Variants in TMC7 observed in about 807,000 individuals in gnomAD.
TMC7 encodes the protein transmembrane channel-like protein 7.
A neutral mutation model predicts 82.9 loss-of-function variants in TMC7; 54 were observed. The observed-to-expected ratio is 0.65, with a 90% CI of 0.52 to 0.82. The LOEUF is 0.82. Among genes scored for constraint, TMC7 ranks in the 40% least tolerant of loss-of-function variants. TMC7 has a pLI of 0.00. For synonymous variants in TMC7, 350 were observed against 337.9 expected, an observed-to-expected ratio of 1.04 and a Z score of -0.39; for missense variants, 820 against 901.2, an observed-to-expected ratio of 0.91 and a Z score of 1.15.
At chr16:19,027,744 A>G (rs1400821174) in intron 5 of TMC7, among the ~76,000 whole-genome samples, 1 of 152,144 alleles carries the variant, frequency 6.6e-6, no homozygotes, top group African/African-American at 2.4e-5. Flanking sequence ...CAGTTAACAC[A>G]TGACTTAATT....
In TMC7 at chr16:19,039,184, G is replaced by A. The variant is rs552564511; in HGVS notation, c.1180-1105G>A. Among the ~76,000 whole-genome samples the A allele has an allele frequency of 7.4e-5, 11 of 148,318 alleles. No individual in the cohort carries two copies. In the South Asian group the frequency reaches 1.7e-3, roughly 23 times the overall value. On this transcript the variant is annotated intron_variant, in intron 8 of 15. Coordinates refer to ENST00000304381, the MANE Select transcript of TMC7 (RefSeq NM_024847.4). ...CGGCTCACTGCAACCTCCACCTCCCGGGTTCAAGTCATTCTCCTGTCTCAG... is the reference window on the plus strand; with the variant it reads ...CGGCTCACTGCAACCTCCACCTCCCAGGTTCAAGTCATTCTCCTGTCTCAG...
Position 18,984,435 on chromosome 16 carries a change from C to T in TMC7, c.67+305C>T, listed in dbSNP as rs563399315. On this transcript the variant is annotated intron_variant, in intron 1 of 15. Coordinates refer to ENST00000304381, the MANE Select transcript of TMC7 (RefSeq NM_024847.4). ...GACAGTCTTTCAATAGCCTCATCTG[C>T]TGTTAAATGAAAGGATTTGAGCACC... 256 of 1,199,136 alleles carry T rather than the reference C, an allele frequency of 2.1e-4. No individual in the cohort carries two copies. The African/African-American group carries it at 3.5e-3, about 16-fold the overall frequency. The allele number at this position is 1,199,136 out of a possible 1,614,324, so 74.3% of individuals were successfully genotyped here.
In TMC7 at chr16:19,021,575, A is replaced by G. The variant is rs1443680196; in HGVS notation, c.461-54A>G. 21 of 1,584,302 alleles carry G rather than the reference A, an allele frequency of 1.3e-5. No individual in the cohort carries two copies. The South Asian group carries it at 2.4e-4, about 18-fold the overall frequency. Reference sequence around the variant, plus strand: ...GCTTTTGTGGCTGATTGAATCTATGATGTGTAGTGTATCAATATCCCTGGT... The same window carrying G: ...GCTTTTGTGGCTGATTGAATCTATGGTGTGTAGTGTATCAATATCCCTGGT... On this transcript the variant is annotated intron_variant, in intron 3 of 15. Coordinates refer to ENST00000304381, the MANE Select transcript of TMC7 (RefSeq NM_024847.4).
At chr16:19,009,534 A>G (rs575449881) in intron 2 of TMC7, 119 bp downstream of exon 2, 1 of 1,298,550 alleles carries the variant, frequency 7.7e-7, no homozygotes, top group African/African-American at 1.5e-5. Flanking sequence ...CCTTAGGGTA[A>G]GCTAAGCCTC....
intron 7 of TMC7, among the ~76,000 whole-genome samples, chr16:19,037,125 A>G (rs562225685): frequency 6.6e-6 from 1 of 152,218 alleles, no homozygotes; most frequent in East Asian, 1.9e-4. Context: ...GGCCAGGCGC[A>G]GTGGTTCATG....
chr16:19,021,947 C>A (rs1959999052), intron 4 of TMC7, 151 bp downstream of exon 4: 3 of 894,226 alleles, frequency 3.4e-6, no homozygotes, highest in East Asian at 2.7e-5. Flanking sequence ...ACAAGTGACC[C>A]CATAATGCTC....
chr16:19,045,565 C>T, intron 11 of TMC7, 127 bp downstream of exon 11: 1 of 641,398 alleles, frequency 1.6e-6, no homozygotes, highest in Non-Finnish European at 2.8e-6. Flanking sequence ...CTCTACAGCC[C>T]TGGAAATCTG....
At chr16:19,009,665 C>T (rs896318662) in intron 2 of TMC7, among the ~76,000 whole-genome samples, 1 of 151,782 alleles carries the variant, frequency 6.6e-6, no homozygotes, top group African/African-American at 2.4e-5. Flanking sequence ...CCAGGCCGGG[C>T]GCGGTGGCTC....
intron 13 of TMC7, 35 bp from the exon 14 acceptor site, chr16:19,056,507 G>C (rs947234353): frequency 6.2e-7 from 1 of 1,603,504 alleles, no homozygotes; most frequent in African/African-American, 1.3e-5. Flanking sequence ...TGTGCTGCAC[G>C]CTCCTTCTGA....
chr16:19,007,303 T>C (rs1596734257), intron 1 of TMC7, among the ~76,000 whole-genome samples: 1 of 152,206 alleles, frequency 6.6e-6, no homozygotes, highest in African/African-American at 2.4e-5. Context: ...GGCCCTCTTA[T>C]GACTTTGGGC....
chr16:19,063,788 G>A lies in TMC7; in HGVS notation c.*1945G>A, dbSNP rs927420103. 27 of 151,776 alleles carry A rather than the reference G, an allele frequency of 1.8e-4. No individual in the cohort carries two copies. Among genetic ancestry groups the A allele is most frequent in the African/African-American group, 6.5e-4 (27 of 41,298 alleles). 9.4% of individuals were successfully genotyped at this position (151,776 alleles called of 1,614,324 possible). On this transcript the variant is annotated 3_prime_UTR_variant, in exon 16 of 16. Coordinates refer to ENST00000304381, the MANE Select transcript of TMC7 (RefSeq NM_024847.4). ...ATTAATATATTAATTTTAGTTAAAT[G>A]CTGCTAATATGCATACCTCTTACTT...
chr16:19,022,839 G>A (rs1338202319), intron 4 of TMC7, among the ~76,000 whole-genome samples: 2 of 152,156 alleles, frequency 1.3e-5, no homozygotes, highest in East Asian at 3.9e-4. Flanking sequence ...GACCAGCCTG[G>A]CGAAACCCCA....
intron 9 of TMC7, among the ~76,000 whole-genome samples, chr16:19,044,528 C>A (rs12597765): frequency 6.6e-6 from 1 of 151,684 alleles, no homozygotes; most frequent in East Asian, 2.0e-4. Flanking sequence ...GGCTGGGCAC[C>A]GTGGCTCACA....
intron 1 of TMC7, among the ~76,000 whole-genome samples, chr16:18,990,700 G>C (rs1256432251): frequency 6.6e-6 from 1 of 152,150 alleles, no homozygotes. Flanking sequence ...CAATGTTTTC[G>C]GGGCAGGAGG....
chr16:18,995,623 A>C (rs1445338992), intron 1 of TMC7, among the ~76,000 whole-genome samples: 1 of 152,136 alleles, frequency 6.6e-6, no homozygotes, highest in Admixed American at 6.6e-5. Context: ...TCCTGGAGGA[A>C]CGCCTGGCCG....
At chr16:19,023,276 C>A in intron 5 of TMC7, 81 bp downstream of exon 5, 1 of 897,378 alleles carries the variant, frequency 1.1e-6, no homozygotes, top group Non-Finnish European at 1.7e-6. Context: ...TCCCAAATTT[C>A]TGCAGTGAGA....
At chr16:19,030,511 G>A (rs1960466122) in intron 6 of TMC7, 142 bp downstream of exon 6, 1 of 892,294 alleles carries the variant, frequency 1.1e-6, no homozygotes, top group East Asian at 3.0e-5. Context: ...TGAGTCCATT[G>A]GCAGCTGAAG....
At position 18,988,211 on chromosome 16, in the gene TMC7, A is replaced by G. The variant is rs2038887989; in HGVS notation, c.67+4081A>G. On this transcript the variant is annotated intron_variant, in intron 1 of 15. Coordinates refer to ENST00000304381, the MANE Select transcript of TMC7 (RefSeq NM_024847.4). ...GTTCTGTTGCCCAGGCTGGAGTGCA[A>G]TGGTGCGATCTCAGCTCACTGCAAC... is the stretch of plus-strand genomic sequence containing the variant. Among the ~76,000 whole-genome samples the G allele has an allele frequency of 2.7e-5, 4 of 145,814 alleles. No homozygotes were observed. The South Asian group carries it at 8.6e-4, about 31-fold the overall frequency.
intron 5 of TMC7, among the ~76,000 whole-genome samples, chr16:19,023,595 T>A (rs573045256): frequency 1.6e-4 from 24 of 152,260 alleles, no homozygotes; most frequent in Non-Finnish European, 2.4e-4. Flanking sequence ...TACACGTGTG[T>A]GCCACCACGC....
Sources: allele counts gnomAD v4.1 joint callset (sites outside exome capture counted in the v4.1 genomes callset), GRCh38; gene constraint gnomAD v4.1.1; transcripts MANE v1.5; gene names NCBI Gene and HGNC (gene_info 2026-07-23, HGNC 2026-07-21).